TRHDE: variants seen among roughly 807,000 people sequenced by gnomAD.
The protein encoded by TRHDE is thyrotropin releasing hormone degrading enzyme, also known as thyrotropin-releasing hormone-degrading ectoenzyme.
TRHDE carries 72 observed loss-of-function variants against 125.7 expected under a neutral mutation model. The ratio of observed to expected loss-of-function variants is 0.57; its 90% confidence interval spans 0.47 to 0.70. TRHDE has a LOEUF of 0.70. Among genes scored for constraint, TRHDE ranks in the 30% least tolerant of loss-of-function variants. The pLI is 0.00. For synonymous variants in TRHDE, 509 were observed against 509.1 expected, an observed-to-expected ratio of 1.00 and a Z score of 0.00; for missense variants, 1,110 against 1,327.1, an observed-to-expected ratio of 0.84 and a Z score of 2.54.
chr12:72,117,389 A>G (rs1305378825), intron 2 of TRHDE, among the ~76,000 whole-genome samples: 1 of 151,876 alleles, frequency 6.6e-6, no homozygotes, highest in Non-Finnish European at 1.5e-5. Flanking sequence ...TTCCTTGTAG[A>G]TGTTTGAATT....
intron 1 of TRHDE, among the ~76,000 whole-genome samples, chr12:72,277,433 G>A (rs953845140): frequency 6.6e-5 from 10 of 152,032 alleles, no homozygotes; most frequent in African/African-American, 2.2e-4. Context: ...CATTCACTTC[G>A]GTAAGAAGAT....
At chr12:72,519,575 T>C (rs1361482109) in intron 6 of TRHDE, among the ~76,000 whole-genome samples, 1 of 152,210 alleles carries the variant, frequency 6.6e-6, no homozygotes, top group African/African-American at 2.4e-5. Context: ...TAAACTTCTT[T>C]GCCTTTGGTT....
intron 15 of TRHDE, among the ~76,000 whole-genome samples, chr12:72,624,947 C>G (rs911344007): frequency 6.6e-6 from 1 of 150,492 alleles, no homozygotes; most frequent in African/African-American, 2.4e-5. Flanking sequence ...AAAAAAAAGA[C>G]ACAGAAAAGA....
rs778128873 is a variant in TRHDE at position 72,273,360 on chromosome 12, G to A, written c.717G>A (p.Leu239=). 2 of 1,614,148 alleles carry A rather than the reference G, an allele frequency of 1.2e-6. No individual in the cohort carries two copies. Among genetic ancestry groups the A allele is most frequent in the African/African-American group, 2.7e-5 (2 of 75,056 alleles). ...ASRVAVEKVQ[L]AEDRAFGAVP... ...GAGTGGCGGTGGAGAAAGTGCAGCT[G>A]GCCGAGGACCGGGCGTTCGGGGCTG... Residue 239 remains leucine, a synonymous_variant, in exon 1 of 19, where the codon CTG becomes CTA. Transcript: ENST00000261180. This position sits in a 1 kb window ranked among gnomAD's most constrained non-coding sequence, Gnocchi z 5.3.
chr12:72,208,981 T>A (rs1331944011), intron 2 of TRHDE, among the ~76,000 whole-genome samples: 1 of 152,150 alleles, frequency 6.6e-6, no homozygotes. Flanking sequence ...CCATAGATAA[T>A]CCCTGCCTTT....
chr12:72,607,435 A>AT (rs531813368), intron 12 of TRHDE, among the ~76,000 whole-genome samples: 7 of 151,952 alleles, frequency 4.6e-5, no homozygotes, highest in East Asian at 3.9e-4. Flanking sequence ...TCCTTCATTG[A>AT]TTTTTTTTAT....
At chr12:72,480,752 C>G (rs1877130974) in intron 5 of TRHDE, among the ~76,000 whole-genome samples, 1 of 152,036 alleles carries the variant, frequency 6.6e-6, no homozygotes, top group South Asian at 2.1e-4. Context: ...ATTCTCTTTT[C>G]AAGTAAGAGC....
rs537933197 is a variant in TRHDE at position 72,395,134 on chromosome 12, C to T, written c.1315+17013C>T. Among the ~76,000 whole-genome samples, 8 of 152,214 alleles carry T rather than the reference C, an allele frequency of 5.3e-5. No individual in the cohort carries two copies. In the East Asian group the frequency reaches 1.5e-3, roughly 29 times the overall value. ...ATAGTCTCCATGTTGTACAATAGAT[C>T]TCTTGAAGTTGTTGCTCCTAACTGA... On this transcript the variant is annotated intron_variant, in intron 3 of 18. Coordinates refer to ENST00000261180, the MANE Select transcript of TRHDE (RefSeq NM_013381.3).
At chr12:72,423,803 G>A (rs1247977109) in intron 3 of TRHDE, among the ~76,000 whole-genome samples, 3 of 152,084 alleles carry the variant, frequency 2.0e-5, no homozygotes, top group African/African-American at 4.8e-5. Flanking sequence ...AAAAGTGGAA[G>A]AGGAAGCAGA....
chr12:72,209,166 A>G (rs1877726558), intron 2 of TRHDE, among the ~76,000 whole-genome samples: 1 of 152,160 alleles, frequency 6.6e-6, no homozygotes, highest in Admixed American at 6.5e-5. Flanking sequence ...ACAGGACTGA[A>G]TATTTGGAAA....
chr12:72,242,149 G>A (rs1592497002), intron 2 of TRHDE, among the ~76,000 whole-genome samples: 1 of 152,142 alleles, frequency 6.6e-6, no homozygotes, highest in Non-Finnish European at 1.5e-5. Context: ...AAAAGATAAT[G>A]TTCATCAATT....
At chr12:72,392,468 T>C (rs2135792483) in intron 3 of TRHDE, among the ~76,000 whole-genome samples, 1 of 152,290 alleles carries the variant, frequency 6.6e-6, no homozygotes, top group Non-Finnish European at 1.5e-5. Context: ...AAATATGTGA[T>C]AGAAAAAAAT....
At chr12:72,437,346 C>T (rs1484134765) in intron 3 of TRHDE, among the ~76,000 whole-genome samples, 5 of 151,800 alleles carry the variant, frequency 3.3e-5, no homozygotes. Flanking sequence ...CTCTGATCTT[C>T]TGTCACCCAT....
At chr12:72,590,006 A>G (rs1871604402) in intron 12 of TRHDE, among the ~76,000 whole-genome samples, 1 of 151,944 alleles carries the variant, frequency 6.6e-6, no homozygotes, top group South Asian at 2.1e-4. Flanking sequence ...TCTTTTCAAC[A>G]TATGCATTTA....
chr12:72,258,316 A>C (rs1878863841), intron 2 of TRHDE: 1 of 152,156 alleles, frequency 6.6e-6, no homozygotes, highest in South Asian at 2.1e-4. Flanking sequence ...TGAATAGGCA[A>C]AGCTGGTGCC....
At chr12:72,477,282 T>C (rs1876944135) in intron 5 of TRHDE, among the ~76,000 whole-genome samples, 1 of 152,220 alleles carries the variant, frequency 6.6e-6, no homozygotes, top group Admixed American at 6.5e-5. Context: ...CCAACCCTAG[T>C]AATCCATTTT....
At chr12:72,344,812 G>A (rs1232068577) in intron 2 of TRHDE, among the ~76,000 whole-genome samples, 4 of 152,012 alleles carry the variant, frequency 2.6e-5, no homozygotes, top group Admixed American at 2.6e-4. Context: ...CAAGCATCAT[G>A]AGGAACACTC....
intron 2 of TRHDE, among the ~76,000 whole-genome samples, chr12:72,218,245 A>T (rs1877934019): frequency 6.6e-6 from 1 of 152,108 alleles, no homozygotes; most frequent in South Asian, 2.1e-4. Flanking sequence ...TGGCTTCTGG[A>T]TCAGGTATAA....
At chr12:72,512,420 A>T (rs1413402191) in intron 6 of TRHDE, among the ~76,000 whole-genome samples, 1 of 113,724 alleles carries the variant, frequency 8.8e-6, no homozygotes, top group Non-Finnish European at 1.6e-5. Flanking sequence ...ATAACTATAT[A>T]ATATATATTA....
Sources: gnomAD v4.1 joint callset for allele counts (sites outside exome capture counted in the v4.1 genomes callset) on GRCh38, gnomAD v4.1.1 for gene constraint, Gnocchi (gnomAD v3.1) non-coding constraint, MANE v1.5 for transcripts, NCBI Gene and HGNC (gene_info 2026-07-23, HGNC 2026-07-21) for gene names.